Variants in MYO9B observed in about 807,000 individuals in gnomAD.
MYO9B encodes unconventional myosin-IXb.
Under a neutral mutation model 229.5 loss-of-function variants are expected in MYO9B, and 71 were observed. The ratio of observed to expected loss-of-function variants is 0.31; its 90% confidence interval spans 0.26 to 0.38. MYO9B has a LOEUF of 0.38. MYO9B is among the 10% of genes least tolerant of loss of function. The pLI is 1.00. For missense variants in MYO9B, 2,255 were observed against 2,920.5 expected (o/e 0.77, Z 5.25); for synonymous variants, 1,185 against 1,235.8 (o/e 0.96, Z 0.86).
At chr19:17,154,507 C>A (rs2072516524) in intron 6 of MYO9B, 92 bp downstream of exon 6, 1 of 916,542 alleles carries the variant, frequency 1.1e-6, no homozygotes, top group Non-Finnish European at 1.7e-6. Context: ...ACCTGCAACC[C>A]AGTGAAAACA....
intron 5 of MYO9B, 84 bp from the exon 6 acceptor site, chr19:17,154,231 C>T: frequency 2.1e-6 from 3 of 1,420,544 alleles, no homozygotes; most frequent in Admixed American, 1.8e-5. Context: ...GGGCCCTGCC[C>T]CACCAGCTCC....
At chr19:17,154,453 C>A in intron 6 of MYO9B, 38 bp downstream of exon 6, 1 of 1,511,152 alleles carries the variant, frequency 6.6e-7, no homozygotes, top group Non-Finnish European at 9.1e-7. Flanking sequence ...CCCCCAGAGC[C>A]TACAGGGGGC....
At chr19:17,197,932 T>A in intron 23 of MYO9B, 74 bp downstream of exon 23, 2 of 1,543,606 alleles carry the variant, frequency 1.3e-6, no homozygotes, top group Non-Finnish European at 1.8e-6. Flanking sequence ...CGCTTGCCTG[T>A]AACCCCAGCT....
intron 2 of MYO9B, among the ~76,000 whole-genome samples, chr19:17,111,993 C>T (rs1187184392): frequency 3.3e-5 from 5 of 152,320 alleles, no homozygotes; most frequent in South Asian, 2.1e-4. Flanking sequence ...TCATATTCCA[C>T]GGTATGGATG....
chr19:17,147,004 T>G lies in MYO9B; in HGVS notation c.935+1513T>G, dbSNP rs541191501. Reference sequence around the variant, plus strand: ...CTCTAGCTTCATTTCTTTTTCCCAGTGCCCAGGCTCCAGTAGGCAGTGGTG... The same window carrying G: ...CTCTAGCTTCATTTCTTTTTCCCAGGGCCCAGGCTCCAGTAGGCAGTGGTG... On this transcript the variant is annotated intron_variant, in intron 3 of 39. Transcript: ENST00000682292. Among the ~76,000 whole-genome samples, 110 of 152,256 alleles carry G rather than the reference T, an allele frequency of 7.2e-4. 1 individual carries two copies. Among genetic ancestry groups the G allele is most frequent in the Non-Finnish European group, 1.3e-3 (90 of 68,042 alleles).
In MYO9B at chr19:17,202,021, C is replaced by T; in HGVS notation, c.4659C>T (p.Val1553=). The T allele has an allele frequency of 6.2e-7, 1 of 1,612,620 alleles. No homozygotes were observed. Among genetic ancestry groups the T allele is most frequent in the East Asian group, 2.2e-5 (1 of 44,860 alleles). Residue 1553 remains valine (V), a synonymous_variant, in exon 27 of 40, where the codon GTC becomes GTT. Transcript: ENST00000682292. ...FRSNIKTMYS[V]PNGKIHVGYK... ...GCAACATCAAAACGATGTACTCTGT[C>T]CCGGTATGTGGCGGCCCGGCCTTCA... is the stretch of plus-strand genomic sequence containing the variant.
chr19:17,090,186 C>T (rs1473352619), intron 1 of MYO9B, among the ~76,000 whole-genome samples: 1 of 118,382 alleles, frequency 8.4e-6, no homozygotes, highest in Non-Finnish European at 1.6e-5. Context: ...CCCTGTTGGC[C>T]AAGTTGGAGT....
intron 1 of MYO9B, among the ~76,000 whole-genome samples, chr19:17,099,851 C>T (rs2057728051): frequency 6.7e-6 from 1 of 149,836 alleles, no homozygotes; most frequent in African/African-American, 2.5e-5. Context: ...GGTGCGGTAG[C>T]TCATGTCTGT....
intron 6 of MYO9B, among the ~76,000 whole-genome samples, chr19:17,154,628 C>G (rs1034042570): frequency 3.3e-5 from 5 of 152,132 alleles, no homozygotes; most frequent in South Asian, 2.1e-4. Flanking sequence ...TTAAAGGTAA[C>G]GTGAACATAC....
chr19:17,180,634 G>T (rs2072848621), intron 14 of MYO9B: 2 of 237,814 alleles, frequency 8.4e-6, no homozygotes, highest in African/African-American at 2.3e-5. Context: ...ACAGGTGTGA[G>T]CCACCGCACC....
At position 17,206,142 on chromosome 19, in the gene MYO9B, G is replaced by A. The variant is rs368556998; in HGVS notation, c.5247G>A (p.Ala1749=). 7.3e-5 allele frequency: 118 copies of A among 1,606,672 alleles called. No individual in the cohort carries two copies. Among genetic ancestry groups the A allele is most frequent in the Middle Eastern group, 1.7e-4 (1 of 5,992 alleles). Residue 1749 remains alanine, a synonymous_variant, in exon 32 of 40, where the codon GCG becomes GCA. Coordinates refer to ENST00000682292, the MANE Select transcript of MYO9B (RefSeq NM_004145.4). ...AANRTRELRQ[A]LQTDPAAVKL... ...ACCGCACTCGGGAGCTCCGGCAGGCGCTGCAGACAGGTGGGCGCTGTGGGC... is the reference window on the plus strand; with the variant it reads ...ACCGCACTCGGGAGCTCCGGCAGGCACTGCAGACAGGTGGGCGCTGTGGGC...
intron 16 of MYO9B, chr19:17,184,111 TGAGAAGGCAGA>T (rs2072891113): frequency 1.9e-6 from 1 of 537,684 alleles, no homozygotes; most frequent in Non-Finnish European, 3.3e-6. Context: ...AGGGCTTACG[TGAGAAGGCAGA>T]GAGAAGGGGT....
At chr19:17,130,772 C>CAA (rs71180365) in intron 2 of MYO9B, among the ~76,000 whole-genome samples, 1,890 of 133,038 alleles carry the variant, frequency 0.014, 45 homozygotes, top group African/African-American at 0.047. Context: ...GACTTGGTCT[C>CAA]AAAAAAAAAA....
At chr19:17,134,381 G>GTTTGTTTTTTTT (rs2072241804) in intron 2 of MYO9B, among the ~76,000 whole-genome samples, 1 of 46,472 alleles carries the variant, frequency 2.2e-5, no homozygotes, top group African/African-American at 8.9e-5. Context: ...CGTTTTGTTT[G>GTTTGTTTTTTTT]TTTTTTTTTT....
At chr19:17,179,027 T>TA (rs779765764) in intron 14 of MYO9B, among the ~76,000 whole-genome samples, 3,384 of 96,840 alleles carry the variant, frequency 0.035, 67 homozygotes, top group Non-Finnish European at 0.048. Flanking sequence ...CAAGACTCTG[T>TA]AAAAAAAAAA....
intron 1 of MYO9B, among the ~76,000 whole-genome samples, chr19:17,082,287 C>T (rs139915907): frequency 8.6e-4 from 131 of 152,220 alleles, no homozygotes; most frequent in African/African-American, 2.9e-3. Flanking sequence ...GAGCCTGTGA[C>T]GGGAGCCTGC....
chr19:17,088,471 CTG>C (rs1480805606), intron 1 of MYO9B, among the ~76,000 whole-genome samples: 1 of 152,188 alleles, frequency 6.6e-6, no homozygotes, highest in Non-Finnish European at 1.5e-5. Flanking sequence ...CCTGCGGACG[CTG>C]TTTCTTGGCC....
intron 20 of MYO9B, among the ~76,000 whole-genome samples, chr19:17,191,998 C>A (rs1016507417): frequency 6.6e-6 from 1 of 152,024 alleles, no homozygotes; most frequent in Non-Finnish European, 1.5e-5. Context: ...GAGTCTTGCT[C>A]TGTTGCCCAG....
chr19:17,168,611 C>T (rs1331797002), intron 11 of MYO9B, among the ~76,000 whole-genome samples: 1 of 152,200 alleles, frequency 6.6e-6, no homozygotes, highest in Non-Finnish European at 1.5e-5. Flanking sequence ...GAGTTTTCAG[C>T]AAAGGATTAT....
Sources: allele counts gnomAD v4.1 joint callset (sites outside exome capture counted in the v4.1 genomes callset), GRCh38; gene constraint gnomAD v4.1.1; transcripts MANE v1.5; gene names NCBI Gene and HGNC (gene_info 2026-07-23, HGNC 2026-07-21).